Variants in IQGAP2 observed in about 807,000 individuals in gnomAD.
The protein encoded by IQGAP2 is ras GTPase-activating-like protein IQGAP2.
A neutral mutation model predicts 201.3 loss-of-function variants in IQGAP2; 173 were observed. That is an observed-to-expected ratio of 0.86 (90% CI 0.76 to 0.98). The LOEUF is 0.98. Ranked by LOEUF, IQGAP2 falls within the 50% of genes least tolerant of loss-of-function variation. IQGAP2 has a pLI of 0.00. For missense variants in IQGAP2, 1,687 were observed against 1,864.8 expected (o/e 0.90, Z 1.76); for synonymous variants, 675 against 673.9 (o/e 1.00, Z -0.03).
At chr5:76,448,575 T>TG (rs1209826151) in intron 1 of IQGAP2, among the ~76,000 whole-genome samples, 3 of 152,154 alleles carry the variant, frequency 2.0e-5, no homozygotes, top group African/African-American at 4.8e-5. Context: ...GAAACCCATC[T>TG]GGTGTGCTGC....
At chr5:76,451,000 T>A (rs1166752703) in intron 1 of IQGAP2, among the ~76,000 whole-genome samples, 1 of 152,172 alleles carries the variant, frequency 6.6e-6, no homozygotes, top group Non-Finnish European at 1.5e-5. Flanking sequence ...CTGTTCAACA[T>A]CATAGTCTTC....
At chr5:76,628,347 T>G (rs2150378180) in intron 14 of IQGAP2, among the ~76,000 whole-genome samples, 1 of 152,290 alleles carries the variant, frequency 6.6e-6, no homozygotes, top group South Asian at 2.1e-4. Flanking sequence ...GAATATTAGC[T>G]CAGATCCATC....
chr5:76,572,113 C>T (rs766786329), intron 4 of IQGAP2, among the ~76,000 whole-genome samples: 9 of 152,024 alleles, frequency 5.9e-5, no homozygotes, highest in African/African-American at 1.7e-4. Context: ...AATCATATAG[C>T]GGGTATCCTT....
chr5:76,511,833 A>T (rs1382429592), intron 2 of IQGAP2, among the ~76,000 whole-genome samples: 2 of 152,078 alleles, frequency 1.3e-5, no homozygotes, highest in South Asian at 2.1e-4. Flanking sequence ...GGCGCCCGCC[A>T]CTACGCCCGG....
At chr5:76,599,931 T>C (rs1747313840) in intron 10 of IQGAP2, among the ~76,000 whole-genome samples, 1 of 152,190 alleles carries the variant, frequency 6.6e-6, no homozygotes, top group African/African-American at 2.4e-5. Flanking sequence ...GGAAGGGTGT[T>C]CTGAAATCTA....
intron 2 of IQGAP2, among the ~76,000 whole-genome samples, chr5:76,538,093 A>G (rs1272648012): frequency 2.0e-5 from 3 of 152,204 alleles, no homozygotes; most frequent in Non-Finnish European, 4.4e-5. Context: ...GCGGCTAGGA[A>G]GGCCTCACAA....
chr5:76,523,542 C>T (rs1758808998), intron 2 of IQGAP2, among the ~76,000 whole-genome samples: 2 of 152,168 alleles, frequency 1.3e-5, no homozygotes, highest in Admixed American at 1.3e-4. Context: ...ATAGGCAAGG[C>T]ACAGCTGAAT....
At chr5:76,492,145 GTTTGAGATGCA>G (rs1756589901) in intron 2 of IQGAP2, among the ~76,000 whole-genome samples, 1 of 152,212 alleles carries the variant, frequency 6.6e-6, no homozygotes, top group African/African-American at 2.4e-5. Flanking sequence ...ATTCGGAGAA[GTTTGAGATGCA>G]TTTGGCCCCA....
intron 16 of IQGAP2, among the ~76,000 whole-genome samples, chr5:76,637,597 G>A (rs978543372): frequency 3.3e-5 from 5 of 152,274 alleles, no homozygotes; most frequent in Middle Eastern, 3.4e-3. Context: ...ACAAAGTGCT[G>A]GAGAGGGCAT....
intron 2 of IQGAP2, among the ~76,000 whole-genome samples, chr5:76,492,375 C>G (rs1048730265): frequency 2.6e-5 from 4 of 152,110 alleles, no homozygotes; most frequent in Admixed American, 6.5e-5. Flanking sequence ...TGGTAGCGGT[C>G]AGAGGCTAAA....
chr5:76,596,193 A>C (rs58692758), intron 9 of IQGAP2, among the ~76,000 whole-genome samples: 1,579 of 152,324 alleles, frequency 0.01, 23 homozygotes, highest in African/African-American at 0.036. Flanking sequence ...CTTGTCAAAA[A>C]GGGTTAGAAG....
chr5:76,639,039 G>A (rs1751364552), intron 16 of IQGAP2, among the ~76,000 whole-genome samples: 1 of 152,184 alleles, frequency 6.6e-6, no homozygotes, highest in Admixed American at 6.5e-5. Context: ...CAAAGAATGT[G>A]TAGAACTGCG....
chr5:76,659,842 A>C (rs1222404519), intron 21 of IQGAP2, among the ~76,000 whole-genome samples: 1 of 152,142 alleles, frequency 6.6e-6, no homozygotes, highest in Non-Finnish European at 1.5e-5. Flanking sequence ...CTACAAAGAC[A>C]CACTGCCCCC....
chr5:76,558,939 C>T (rs1487640693), intron 2 of IQGAP2, among the ~76,000 whole-genome samples: 4 of 151,862 alleles, frequency 2.6e-5, no homozygotes, highest in Non-Finnish European at 2.9e-5. Flanking sequence ...CTCGCTCTGT[C>T]GCCCAGGCTG....
chr5:76,561,648 T>C (rs892249015), intron 2 of IQGAP2, among the ~76,000 whole-genome samples: 7 of 152,160 alleles, frequency 4.6e-5, no homozygotes, highest in African/African-American at 1.4e-4. Flanking sequence ...CAGCACACCA[T>C]TGTGACATGT....
At position 76,664,927 on chromosome 5, in the gene IQGAP2, C is replaced by T. The variant is rs377569972; in HGVS notation, c.2530-99C>T. ...GCAATGCACAATACAATGAGGTATG[C>T]CTGTATTTCCAATTACGTGTGTTTC... On this transcript the variant is annotated intron_variant, in intron 21 of 35. Coordinates refer to ENST00000274364, the MANE Select transcript of IQGAP2 (RefSeq NM_006633.5). 99 of 693,902 alleles carry T rather than the reference C, an allele frequency of 1.4e-4. 1 individual carries two copies. The African/African-American group carries it at 1.7e-3, about 12-fold the overall frequency. 43.0% of individuals were successfully genotyped at this position (693,902 alleles called of 1,614,324 possible).
chr5:76,475,092 C>G (rs1755335680), intron 2 of IQGAP2, among the ~76,000 whole-genome samples: 2 of 152,076 alleles, frequency 1.3e-5, no homozygotes, highest in African/African-American at 4.8e-5. Context: ...CTGAGGCTGT[C>G]TCAGCTCTCA....
chr5:76,607,452 ACACTT>A (rs1303576606), intron 12 of IQGAP2: 1 of 152,166 alleles, frequency 6.6e-6, no homozygotes, highest in Admixed American at 6.5e-5. Context: ...TGATCCCTGG[ACACTT>A]TCATTTTGTC....
At chr5:76,653,507 AG>A (rs1209955642) in intron 18 of IQGAP2, among the ~76,000 whole-genome samples, 1 of 152,212 alleles carries the variant, frequency 6.6e-6, no homozygotes, top group Admixed American at 6.5e-5. Flanking sequence ...CTGTAATCTC[AG>A]CACTTTGGGA....
Sources: allele counts gnomAD v4.1 joint callset (sites outside exome capture counted in the v4.1 genomes callset), GRCh38; gene constraint gnomAD v4.1.1; transcripts MANE v1.5; gene names NCBI Gene and HGNC (gene_info 2026-07-23, HGNC 2026-07-21).